RIN3: variants seen among roughly 807,000 people sequenced by gnomAD.
RIN3 encodes the protein Ras and Rab interactor 3, also known as RAB5 interacting protein 3.
RIN3 carries 54 observed loss-of-function variants against 76.3 expected under a neutral mutation model. The observed-to-expected ratio is 0.71, with a 90% CI of 0.57 to 0.89. The LOEUF is 0.89. RIN3 is among the 40% of genes least tolerant of loss of function. The pLI is 0.00. For missense variants in RIN3, 1,256 were observed against 1,322.1 expected (o/e 0.95, Z 0.78); for synonymous variants, 576 against 564.0 (o/e 1.02, Z -0.30).
chr14:92,580,537 T>C (rs981533437), intron 3 of RIN3, among the ~76,000 whole-genome samples: 2 of 152,226 alleles, frequency 1.3e-5, no homozygotes, highest in African/African-American at 4.8e-5. Context: ...AGAGGTGTGC[T>C]ATGAGGAATG....
chr14:92,662,247 G>A (rs1053736053), intron 7 of RIN3, among the ~76,000 whole-genome samples: 1 of 148,438 alleles, frequency 6.7e-6, no homozygotes, highest in Non-Finnish European at 1.5e-5. Flanking sequence ...AGCAGGGGTC[G>A]GGGAGGGAGG....
At chr14:92,532,627 C>T (rs6575265) in intron 1 of RIN3, among the ~76,000 whole-genome samples, 115,744 of 152,032 alleles carry the variant, frequency 0.76, 44,387 homozygotes, top group African/African-American at 0.83. Flanking sequence ...TCCTCCCTAA[C>T]GTCCCCCACT....
chr14:92,669,928 C>T (rs958240730), intron 7 of RIN3, among the ~76,000 whole-genome samples: 1 of 152,148 alleles, frequency 6.6e-6, no homozygotes, highest in African/African-American at 2.4e-5. Context: ...TGCTTCCTCA[C>T]CCTGTCACTC....
chr14:92,688,000 C>G lies in RIN3; in HGVS notation c.2706C>G (p.Ala902=). Reference sequence around the variant, plus strand: ...TGGCGTCGCGGGCGGACACCCAGGCCCAGGCGCTGTGCGCGCAGTGCGCGG... The same window carrying G: ...TGGCGTCGCGGGCGGACACCCAGGCGCAGGCGCTGTGCGCGCAGTGCGCGG... ...RTLASRADTQ[A]QALCAQCAEK... is the part of the protein sequence containing the mutation. The change falls in exon 10 of 10, where the codon GCC becomes GCG. Residue 902 remains alanine, a synonymous_variant. Transcript: ENST00000216487. 1 of 1,571,290 alleles carries G rather than the reference C, an allele frequency of 6.4e-7. No homozygotes were observed.
At chr14:92,592,203 A>G (rs1885000636) in intron 3 of RIN3, among the ~76,000 whole-genome samples, 1 of 152,044 alleles carries the variant, frequency 6.6e-6, no homozygotes, top group South Asian at 2.1e-4. Flanking sequence ...GGAGTTTGAG[A>G]CCAGCCTGGC....
chr14:92,653,324 A>G (rs907548926), intron 6 of RIN3, among the ~76,000 whole-genome samples: 1 of 151,972 alleles, frequency 6.6e-6, no homozygotes, highest in African/African-American at 2.4e-5. Flanking sequence ...CTCTTCCACC[A>G]TCAGGGGCCC....
chr14:92,687,261 G>C (rs75306313), intron 9 of RIN3: 19,708 of 152,410 alleles, frequency 0.13, 1,492 homozygotes, highest in East Asian at 0.32. Flanking sequence ...GCAGGTGTGG[G>C]GCTGGGTCCC....
chr14:92,521,230 C>T (rs1896588921), intron 1 of RIN3, among the ~76,000 whole-genome samples: 1 of 151,898 alleles, frequency 6.6e-6, no homozygotes, highest in Admixed American at 6.6e-5. Flanking sequence ...CGCTTCTATC[C>T]ATCCATTTAT....
chr14:92,568,278 C>T lies in RIN3; in HGVS notation c.250-9082C>T, dbSNP rs1216649421. On this transcript the variant is annotated intron_variant, in intron 2 of 9. Transcript: ENST00000216487. This position sits in a 1 kb window ranked among gnomAD's most constrained non-coding sequence, Gnocchi z 4.2. ...GTAACAGCCATCATGGGCAACATCCCCTTGGAGTATGACCTGGGGACACTC... is the reference window on the plus strand; with the variant it reads ...GTAACAGCCATCATGGGCAACATCCTCTTGGAGTATGACCTGGGGACACTC... 6.6e-6 allele frequency among the ~76,000 whole-genome samples: 1 copy of T among 152,116 alleles called. No individual in the cohort carries two copies. The highest frequency in any genetic ancestry group is 1.5e-5 in the Non-Finnish European group (1 of 68,024).
chr14:92,548,794 C>A (rs890749032), intron 1 of RIN3, among the ~76,000 whole-genome samples: 1 of 151,836 alleles, frequency 6.6e-6, no homozygotes, highest in African/African-American at 2.4e-5. Context: ...AGAAAAAGAT[C>A]CTTTTTCCAA....
intron 1 of RIN3, among the ~76,000 whole-genome samples, chr14:92,520,295 T>G (rs898997904): frequency 2.0e-5 from 3 of 152,164 alleles, no homozygotes; most frequent in Admixed American, 2.0e-4. Context: ...CCCCACCTTC[T>G]GGAACTGAGA....
intron 1 of RIN3, among the ~76,000 whole-genome samples, chr14:92,516,003 C>T (rs1267244061): frequency 2.0e-5 from 3 of 152,094 alleles, no homozygotes; most frequent in Non-Finnish European, 2.9e-5. Flanking sequence ...CCGAACTGTG[C>T]GGAGTCTGCT....
chr14:92,599,540 A>G (rs1416056031), intron 3 of RIN3, among the ~76,000 whole-genome samples: 1 of 152,138 alleles, frequency 6.6e-6, no homozygotes, highest in East Asian at 1.9e-4. Flanking sequence ...ACAGCAAGGG[A>G]CGCAGTGAGC....
At chr14:92,585,811 G>T (rs369047959) in intron 3 of RIN3, among the ~76,000 whole-genome samples, 31 of 152,130 alleles carry the variant, frequency 2.0e-4, no homozygotes, top group African/African-American at 6.3e-4. Flanking sequence ...TAGAGACAGG[G>T]TTTCATCATG....
chr14:92,658,083 C>G (rs1887735404), intron 6 of RIN3, among the ~76,000 whole-genome samples: 1 of 152,236 alleles, frequency 6.6e-6, no homozygotes, highest in South Asian at 2.1e-4. Context: ...TGGACATCCC[C>G]TTGGTATCAA....
chr14:92,586,930 C>G (rs1566855809), intron 3 of RIN3, among the ~76,000 whole-genome samples: 1 of 152,130 alleles, frequency 6.6e-6, no homozygotes, highest in Non-Finnish European at 1.5e-5. Flanking sequence ...AATTGAGGAA[C>G]AGATGTGTTA....
At chr14:92,687,651 C>A (rs972708937) in intron 9 of RIN3, 6 of 482,206 alleles carry the variant, frequency 1.2e-5, no homozygotes, top group South Asian at 1.2e-4. Context: ...GCCTGTGGAC[C>A]AGCAGCCAGG....
intron 6 of RIN3, 44 bp downstream of exon 6, chr14:92,653,119 G>T: frequency 6.4e-7 from 1 of 1,552,912 alleles, no homozygotes; most frequent in Non-Finnish European, 8.7e-7. Flanking sequence ...AGGGCGGTGG[G>T]GCTCACAGAC....
At chr14:92,542,308 G>T (rs2140017091) in intron 1 of RIN3, among the ~76,000 whole-genome samples, 1 of 152,060 alleles carries the variant, frequency 6.6e-6, no homozygotes, top group East Asian at 1.9e-4. Flanking sequence ...GGCCAAAAAT[G>T]AACAGATGCT....
Sources: gnomAD v4.1 joint callset for allele counts (sites outside exome capture counted in the v4.1 genomes callset) on GRCh38, gnomAD v4.1.1 for gene constraint, Gnocchi (gnomAD v3.1) non-coding constraint, MANE v1.5 for transcripts, NCBI Gene and HGNC (gene_info 2026-07-23, HGNC 2026-07-21) for gene names.